The following ZNF423 variants were observed in gnomAD, a reference collection of about 807,000 sequenced individuals.
ZNF423 encodes the protein Ebf-associated zinc finger protein.
ZNF423 carries 12 observed loss-of-function variants against 95.8 expected under a neutral mutation model. That is an observed-to-expected ratio of 0.13 (90% CI 0.08 to 0.20). ZNF423 has a LOEUF of 0.20. ZNF423 is among the 10% of genes least tolerant of loss of function. The pLI, the probability that ZNF423 is intolerant of heterozygous loss-of-function variation, is 1.00. For synonymous variants in ZNF423, 749 were observed against 711.9 expected (o/e 1.05, Z -0.83); for missense variants, 1,316 against 1,737.1 (o/e 0.76, Z 4.31).
At chr16:49,555,786 G>T (rs990413548) in intron 5 of ZNF423, among the ~76,000 whole-genome samples, 1 of 152,160 alleles carries the variant, frequency 6.6e-6, no homozygotes, top group Non-Finnish European at 1.5e-5. Flanking sequence ...ATGGTGCATG[G>T]ATGGATGGAC....
chr16:49,663,946 C>T (rs2030388012), intron 3 of ZNF423: 1 of 507,970 alleles, frequency 2.0e-6, no homozygotes, highest in Non-Finnish European at 2.5e-6. Context: ...GATTTCATTC[C>T]ACTCTGAGCA....
intron 3 of ZNF423, among the ~76,000 whole-genome samples, chr16:49,717,301 G>A (rs1596911170): frequency 6.6e-6 from 1 of 150,590 alleles, no homozygotes; most frequent in African/African-American, 2.5e-5. Flanking sequence ...CACCATCATA[G>A]GAACAGGCCC....
At chr16:49,788,875 A>C (rs1238604573) in intron 2 of ZNF423, among the ~76,000 whole-genome samples, 5 of 152,226 alleles carry the variant, frequency 3.3e-5, no homozygotes, top group Admixed American at 3.3e-4. Flanking sequence ...CTCAGTACTC[A>C]TGGGAAGGCT....
chr16:49,827,293 C>T (rs954336671), intron 1 of ZNF423, among the ~76,000 whole-genome samples: 3 of 152,030 alleles, frequency 2.0e-5, no homozygotes, highest in Non-Finnish European at 4.4e-5. Context: ...TTCACCAGTT[C>T]CCCCACCCCT....
At chr16:49,491,931 G>A (rs1330483669) in intron 7 of ZNF423, among the ~76,000 whole-genome samples, 1 of 152,202 alleles carries the variant, frequency 6.6e-6, no homozygotes, top group South Asian at 2.1e-4. Context: ...CCGGGAGCCT[G>A]CCTGCTTGGT....
Position 49,488,484 on chromosome 16 carries a change from G to T in ZNF423, c.*2791C>A, listed in dbSNP as rs1002342729. On this transcript the variant is annotated 3_prime_UTR_variant, in exon 8 of 8. Transcript: ENST00000563137. ...AGCAGCAATGAACCTTAGGCTTTCA[G>T]TCACCTCGCCCACTCCCCAAAGCCA... 4 of 152,228 alleles carry T rather than the reference G, an allele frequency of 2.6e-5. No homozygotes were observed. Among genetic ancestry groups the T allele is most frequent in the Non-Finnish European group, 4.4e-5 (3 of 68,044 alleles). The allele number at this position is 152,228 out of a possible 1,614,324, so 9.4% of individuals were successfully genotyped here. A position where few individuals can be genotyped will look rare whatever the true frequency, so the allele number is the denominator to read the frequency against.
At position 49,556,115 on chromosome 16, in the gene ZNF423, G is replaced by C. The variant is rs1597096908; in HGVS notation, c.3602-30621C>G. ...GAGTTTTCAAGCCCACAAGATCACT[G>C]GTCTCTTCCGACCTTCGGAGCTTTC... On this transcript the variant is annotated intron_variant, in intron 5 of 7. Transcript: ENST00000563137. 3.3e-5 allele frequency among the ~76,000 whole-genome samples: 5 copies of C among 152,164 alleles called. No individual in the cohort carries two copies. In the South Asian group the frequency reaches 1.0e-3, roughly 32 times the overall value.
At position 49,600,781 on chromosome 16, in the gene ZNF423, G is replaced by A. The variant is rs9940105; in HGVS notation, c.3601+25389C>T. On this transcript the variant is annotated intron_variant, in intron 5 of 7. Transcript: ENST00000563137. ...GCTCCCTCGGCCACAGACCCAGGCC[G>A]GAGTGAGTGCTCCGGCTCCGACACC... Among the ~76,000 whole-genome samples, 1,390 of 152,252 alleles carry A rather than the reference G, an allele frequency of 9.1e-3. 27 individuals carry two copies. Among genetic ancestry groups the A allele is most frequent in the African/African-American group, 0.032 (1,314 of 41,540 alleles).
rs79706004 is a variant in ZNF423 at position 49,635,950 on chromosome 16, G to T, written c.3226C>A (p.Leu1076Met). Residue 1076 changes from leucine to methionine, a missense_variant, in exon 4 of 8, where the codon CTG (leucine) becomes ATG (methionine). By Grantham distance (15) the Leu-to-Met change is conservative (BLOSUM62 2). This residue lies in a region of ZNF423 where 620 missense variants were observed against 775.6 expected (regional missense o/e 0.80). Transcript: ENST00000563137. The surrounding 1 kb of genome is among the most constrained non-coding windows in gnomAD (Gnocchi z 4.8). ...QGLQKLYKCA[L>M]CLKEFRSKQD... is the part of the protein sequence containing the mutation. ...TTGCTGCGGAACTCCTTGAGGCACA[G>T]GGCGCACTTGTAGAGCTTCTGCAGC... The T allele has an allele frequency of 6.6e-4, 1,057 of 1,595,168 alleles. 12 individuals carry two copies. In the African/African-American group the frequency reaches 0.013, roughly 20 times the overall value.
chr16:49,556,612 G>T lies in ZNF423; in HGVS notation c.3602-31118C>A, dbSNP rs181731815. The stretch of plus-strand genomic sequence containing the variant: ...TCTGCAGCCTCCCCCTACCCCTCTT[G>T]GCCACAAGTAAACAAGAGTTCAGCC... On this transcript the variant is annotated intron_variant, in intron 5 of 7. Transcript: ENST00000563137. Among the ~76,000 whole-genome samples the T allele has an allele frequency of 1.1e-4, 17 of 152,184 alleles. No homozygotes were observed. In the East Asian group the frequency reaches 2.1e-3, roughly 19 times the overall value.
At chr16:49,575,771 G>A (rs989370094) in intron 5 of ZNF423, among the ~76,000 whole-genome samples, 6 of 152,188 alleles carry the variant, frequency 3.9e-5, no homozygotes, top group Non-Finnish European at 5.9e-5. Flanking sequence ...TTAAAAACAC[G>A]GATTCTTGTT....
Position 49,636,604 on chromosome 16 carries a change from T to A in ZNF423, c.2572A>T (p.Thr858Ser). 6.2e-7 allele frequency: 1 copy of A among 1,613,834 alleles called. No individual in the cohort carries two copies. The highest frequency in any genetic ancestry group is 8.5e-7 in the Non-Finnish European group (1 of 1,179,922). ...AGGTCAGCAGGCTCAGCTTTCTTGG[T>A]GGCCATTGGGGGTACCCCATTGGCC... ...GTANGVPPMA[T>S]KKAEPADLQG... Residue 858 changes from threonine (T) to serine (S), a missense_variant, in exon 4 of 8, where the codon ACC (threonine) becomes TCC (serine). Thr to Ser is a moderately conservative substitution (Grantham distance 58, BLOSUM62 1). Transcript: ENST00000563137. This position sits in a 1 kb window ranked among gnomAD's most constrained non-coding sequence, Gnocchi z 8.6.
Position 49,653,180 on chromosome 16 carries a change from G to A in ZNF423, c.302-14306C>T, listed in dbSNP as rs185832013. On this transcript the variant is annotated intron_variant, in intron 3 of 7. Transcript: ENST00000563137. ...GACTTGGGGTCCCCACTCTGGAGGC[G>A]TCCCCTGCTGCCCAGACAGAGAACC... Among the ~76,000 whole-genome samples, 63 of 152,052 alleles carry A rather than the reference G, an allele frequency of 4.1e-4. No homozygotes were observed. In the East Asian group the frequency reaches 0.011, roughly 27 times the overall value.
intron 3 of ZNF423, among the ~76,000 whole-genome samples, chr16:49,728,197 G>C (rs573063193): frequency 8.5e-4 from 130 of 152,254 alleles, no homozygotes; most frequent in African/African-American, 3.0e-3. Context: ...GTAGGGAACT[G>C]TTTTGAATAA....
At chr16:49,779,737 A>T (rs2034178190) in intron 2 of ZNF423, among the ~76,000 whole-genome samples, 1 of 152,208 alleles carries the variant, frequency 6.6e-6, no homozygotes, top group South Asian at 2.1e-4. Context: ...CCAGCAGGAC[A>T]GCGGGATCCT....
rs917439861 is a variant in ZNF423, at chr16:49,809,315, G to A, written c.41-19769C>T. Among the ~76,000 whole-genome samples, 10 of 152,202 alleles carry A rather than the reference G, an allele frequency of 6.6e-5. No homozygotes were observed. In the South Asian group the frequency reaches 8.3e-4, roughly 13 times the overall value. Reference sequence around the variant, plus strand: ...GTCCACGGCTGGCAGGGGCCGGCCCGGCCCTGGGGGCCCTTGGAAAAGCTG... The same window carrying A: ...GTCCACGGCTGGCAGGGGCCGGCCCAGCCCTGGGGGCCCTTGGAAAAGCTG... On this transcript the variant is annotated intron_variant, in intron 1 of 7. Transcript: ENST00000563137.
chr16:49,718,913 C>A (rs2032785425), intron 3 of ZNF423, among the ~76,000 whole-genome samples: 2 of 152,154 alleles, frequency 1.3e-5, no homozygotes, highest in African/African-American at 2.4e-5. Flanking sequence ...AACATTCAGA[C>A]CATAGCCAGT....
intron 1 of ZNF423, among the ~76,000 whole-genome samples, chr16:49,839,778 T>C (rs1416526368): frequency 6.6e-6 from 1 of 151,874 alleles, no homozygotes; most frequent in African/African-American, 2.4e-5. Flanking sequence ...AGACAGAGGC[T>C]CAGAGAAGGA....
At chr16:49,496,958 A>G (rs1967186594) in intron 7 of ZNF423, among the ~76,000 whole-genome samples, 1 of 152,156 alleles carries the variant, frequency 6.6e-6, no homozygotes, top group African/African-American at 2.4e-5. Flanking sequence ...TGGGTGTCCA[A>G]AGGGCTGGCA....
Sources: gnomAD v4.1 joint callset for allele counts (sites outside exome capture counted in the v4.1 genomes callset) on GRCh38, gnomAD v4.1.1 for gene constraint, gnomAD v4.1.1 regional missense constraint, Gnocchi (gnomAD v3.1) non-coding constraint, MANE v1.5 for transcripts, NCBI Gene and HGNC (gene_info 2026-07-23, HGNC 2026-07-21) for gene names.